PDGFRA: variants seen among roughly 807,000 people sequenced by gnomAD.
PDGFRA encodes platelet-derived growth factor receptor alpha.
Under a neutral mutation model 121.5 loss-of-function variants are expected in PDGFRA, and 25 were observed. That is an observed-to-expected ratio of 0.21 (90% CI 0.15 to 0.29). PDGFRA has a LOEUF of 0.29. Among genes scored for constraint, PDGFRA ranks in the 10% least tolerant of loss-of-function variants. PDGFRA has a pLI of 1.00. For missense variants in PDGFRA, 1,008 were observed against 1,345.1 expected (o/e 0.75, Z 3.92); for synonymous variants, 463 against 494.8 (o/e 0.94, Z 0.85).
chr4:54,267,118 A>G (rs975211133), intron 5 of PDGFRA, among the ~76,000 whole-genome samples, 171 bp from the exon 6 acceptor site: 5 of 152,180 alleles, frequency 3.3e-5, no homozygotes, highest in Non-Finnish European at 7.4e-5. Context: ...TGTGTTCCCT[A>G]CACCCACACA....
At chr4:54,261,015 C>T in intron 2 of PDGFRA, 80 bp from the exon 3 acceptor site, 1 of 1,254,068 alleles carries the variant, frequency 8.0e-7, no homozygotes, top group Non-Finnish European at 1.2e-6. Context: ...ATCTAAGCTG[C>T]TACTGTTGCT....
At chr4:54,272,814 G>C (rs1432097527) in intron 9 of PDGFRA, among the ~76,000 whole-genome samples, 1 of 152,140 alleles carries the variant, frequency 6.6e-6, no homozygotes, top group African/African-American at 2.4e-5. Context: ...TTGGTAGTCG[G>C]ACTGCATGTA....
At chr4:54,277,820 C>T in intron 13 of PDGFRA, 76 bp from the exon 14 acceptor site, 1 of 914,184 alleles carries the variant, frequency 1.1e-6, no homozygotes, top group East Asian at 2.4e-5. Flanking sequence ...CAGGATTAGT[C>T]ATATTCTTGG....
In PDGFRA at chr4:54,288,871, C is replaced by G. The variant is rs1403858596; in HGVS notation, c.2747C>G (p.Ala916Gly). Residue 916 changes from alanine (A) to glycine (G), a missense_variant, in exon 20 of 23, where the codon GCC becomes GGC. Physicochemically the swap from Ala to Gly is moderately conservative, Grantham distance 60. Around this residue, in one of 5 missense-constraint regions of PDGFRA, gnomAD observed 204 missense variants for 243.0 expected, o/e 0.84. Coordinates refer to ENST00000257290, the MANE Select transcript of PDGFRA (RefSeq NM_006206.6). ...YNKIKSGYRM[A>G]KPDHATSEVY... The stretch of plus-strand genomic sequence containing the variant: ...AAGATCAAGAGTGGGTACCGGATGG[C>G]CAAGCCTGACCACGCTACCAGTGAA... 1 of 1,610,104 alleles carries G rather than the reference C, an allele frequency of 6.2e-7. No homozygotes were observed. Among genetic ancestry groups the G allele is most frequent in the Non-Finnish European group, 8.5e-7 (1 of 1,176,390 alleles).
chr4:54,265,056 A>G lies in PDGFRA; in HGVS notation c.759+7A>G, dbSNP rs878854833. ...GACTTACCCTGGAGAAGTGGTAGGT[A>G]CCCTCAAAACGTGCAATGGCTTGGA... is the stretch of plus-strand genomic sequence containing the variant. On this transcript the variant is annotated splice_region_variant and intron_variant, in intron 5 of 22. Transcript: ENST00000257290. 6.2e-7 allele frequency: 1 copy of G among 1,613,484 alleles called. No individual in the cohort carries two copies. Among genetic ancestry groups the G allele is most frequent in the Non-Finnish European group, 8.5e-7 (1 of 1,179,576 alleles).
rs536844149 is a variant in PDGFRA at position 54,267,265 on chromosome 4, G to A, written c.760-24G>A. On this transcript the variant is annotated intron_variant, in intron 5 of 22. Coordinates refer to ENST00000257290, the MANE Select transcript of PDGFRA (RefSeq NM_006206.6). ...CCTAGGAGCGAGCTTTTTAAAAGTCGGTTTTCTTCCCCTTTTGCTGTAGAA... is the reference window on the plus strand; with the variant it reads ...CCTAGGAGCGAGCTTTTTAAAAGTCAGTTTTCTTCCCCTTTTGCTGTAGAA... The A allele has an allele frequency of 1.2e-5, 20 of 1,613,324 alleles. No individual in the cohort carries two copies. In the East Asian group the frequency reaches 2.0e-4, roughly 16 times the overall value.
intron 22 of PDGFRA, among the ~76,000 whole-genome samples, chr4:54,293,727 G>A (rs1474664598): frequency 6.6e-6 from 1 of 152,084 alleles, no homozygotes; most frequent in Non-Finnish European, 1.5e-5. Flanking sequence ...CACCTCACCC[G>A]GCCTAGATTC....
chr4:54,231,119 C>T (rs949206620), intron 1 of PDGFRA, among the ~76,000 whole-genome samples: 1 of 152,172 alleles, frequency 6.6e-6, no homozygotes, highest in Non-Finnish European at 1.5e-5. Context: ...GCCAGAGCGC[C>T]GGTCCCGCAC....
At chr4:54,236,174 A>G (rs912426986) in intron 1 of PDGFRA, among the ~76,000 whole-genome samples, 2 of 152,250 alleles carry the variant, frequency 1.3e-5, no homozygotes, top group Non-Finnish European at 2.9e-5. Context: ...TGAAGAAAAG[A>G]TTTGGGTGAA....
intron 2 of PDGFRA, among the ~76,000 whole-genome samples, chr4:54,260,397 G>GTTT (rs68009440): frequency 2.0e-4 from 13 of 64,600 alleles, no homozygotes; most frequent in Non-Finnish European, 3.1e-4. Context: ...TTCCATGTGG[G>GTTT]TTTTTTTTTT....
rs763214177 is a variant in PDGFRA, at chr4:54,273,718, C to G, written c.1546C>G (p.Leu516Val). 2 of 1,613,110 alleles carry G rather than the reference C, an allele frequency of 1.2e-6. No homozygotes were observed. The highest frequency in any genetic ancestry group is 1.7e-6 in the Non-Finnish European group (2 of 1,179,916). The change falls in exon 10 of 23, where the codon CTG (leucine) becomes GTG (valine). Residue 516 changes from leucine to valine, a missense_variant. Physicochemically the swap from Leu to Val is conservative, Grantham distance 32 (BLOSUM62 1). This residue lies in a region of PDGFRA where 575 missense variants were observed against 701.8 expected (regional missense o/e 0.82). Transcript: ENST00000257290. ...TGGAGCTGAGAACCGAGAGCTGAAGCTGGTGGCTCCCAGTGAGTTCCTCAA... is the reference window on the plus strand; with the variant it reads ...TGGAGCTGAGAACCGAGAGCTGAAGGTGGTGGCTCCCAGTGAGTTCCTCAA... ...LLGAENRELK[L>V]VAPTLRSELT... is the part of the protein sequence containing the mutation.
chr4:54,268,628 G>T (rs140126104), intron 7 of PDGFRA, among the ~76,000 whole-genome samples: 2 of 152,210 alleles, frequency 1.3e-5, no homozygotes, highest in Admixed American at 6.5e-5. Flanking sequence ...TAAATTCCAC[G>T]TGTAATTGAG....
intron 1 of PDGFRA, among the ~76,000 whole-genome samples, chr4:54,247,633 C>G (rs1475017282): frequency 6.6e-6 from 1 of 152,110 alleles, no homozygotes; most frequent in East Asian, 1.9e-4. Context: ...TGGGCAAAAA[C>G]TGGAAGCATT....
intron 7 of PDGFRA, among the ~76,000 whole-genome samples, chr4:54,269,827 T>C (rs1723241886): frequency 6.6e-6 from 1 of 151,506 alleles, no homozygotes; most frequent in Non-Finnish European, 1.5e-5. Flanking sequence ...TTTTTTGTAT[T>C]TTTAGTAGAG....
intron 15 of PDGFRA, 80 bp downstream of exon 15, chr4:54,278,595 T>C (rs988533561): frequency 2.9e-6 from 4 of 1,401,370 alleles, no homozygotes; most frequent in Non-Finnish European, 4.0e-6. Context: ...CTGATAGATA[T>C]CATGTCTGCA....
intron 22 of PDGFRA, among the ~76,000 whole-genome samples, chr4:54,293,907 T>TTGTG (rs71200381): frequency 0.076 from 10,742 of 142,062 alleles, 688 homozygotes; most frequent in African/African-American, 0.18. Flanking sequence ...TCCAAGTTGC[T>TTGTG]TGTGTGTGTG....
chr4:54,257,749 G>C (rs1288467189), intron 1 of PDGFRA, among the ~76,000 whole-genome samples: 1 of 152,136 alleles, frequency 6.6e-6, no homozygotes, highest in Admixed American at 6.5e-5. Context: ...AAAGTGAATG[G>C]GGAAGAGATA....
intron 1 of PDGFRA, among the ~76,000 whole-genome samples, chr4:54,248,572 G>A (rs1388994288): frequency 6.6e-6 from 1 of 152,064 alleles, no homozygotes; most frequent in Non-Finnish European, 1.5e-5. Flanking sequence ...AATTCAAGAT[G>A]GATTAAAGAC....
chr4:54,275,242 A>G (rs1237627625), intron 12 of PDGFRA, among the ~76,000 whole-genome samples: 1 of 152,208 alleles, frequency 6.6e-6, no homozygotes, highest in Admixed American at 6.5e-5. Context: ...AAAGATACCC[A>G]CCAAAATTGC....
Sources: gnomAD v4.1 joint callset for allele counts (sites outside exome capture counted in the v4.1 genomes callset) on GRCh38, gnomAD v4.1.1 for gene constraint, gnomAD v4.1.1 regional missense constraint, MANE v1.5 for transcripts, NCBI Gene and HGNC (gene_info 2026-07-23, HGNC 2026-07-21) for gene names.